Variants in LRP1 observed in about 807,000 individuals in gnomAD.
LRP1 encodes the protein prolow-density lipoprotein receptor-related protein 1.
LRP1 carries 51 observed loss-of-function variants against 541.5 expected under a neutral mutation model. That is an observed-to-expected ratio of 0.09 (90% CI 0.08 to 0.12). The LOEUF is 0.12. LRP1 is among the 10% of genes least tolerant of loss of function. The pLI, the probability that LRP1 is intolerant of heterozygous loss-of-function variation, is 1.00. For synonymous variants in LRP1, 2,219 were observed against 2,470.8 expected, an observed-to-expected ratio of 0.90 and a Z score of 3.02; for missense variants, 3,878 against 6,376.2, an observed-to-expected ratio of 0.61 and a Z score of 13.34.
rs200382578 is a variant in LRP1 at position 57,198,538 on chromosome 12, G to A, written c.9544G>A (p.Val3182Ile). 20 of 1,614,036 alleles carry A rather than the reference G, an allele frequency of 1.2e-5. No homozygotes were observed. The highest frequency in any genetic ancestry group is 7.7e-5 in the South Asian group (7 of 91,056). The part of the protein sequence containing the change: ...RIGMDGSSRS[V>I]IVDTKITWPN... Reference sequence around the variant, plus strand: ...CGGCATGGATGGGTCCAGCCGCAGCGTCATCGTGGACACCAAGATCACATG... The same window carrying A: ...CGGCATGGATGGGTCCAGCCGCAGCATCATCGTGGACACCAAGATCACATG... Residue 3182 changes from valine (V) to isoleucine (I), a missense_variant, in exon 60 of 89, where the codon GTC (valine) becomes ATC (isoleucine). Val to Ile is a conservative substitution (Grantham distance 29, BLOSUM62 3). Around this residue, in one of 13 missense-constraint regions of LRP1, gnomAD observed 1,100 missense variants for 1,827.4 expected, o/e 0.60. Coordinates refer to ENST00000243077, the MANE Select transcript of LRP1 (RefSeq NM_002332.3).
Position 57,178,762 on chromosome 12 carries a change from A to C in LRP1, c.4607-128A>C. 1 of 1,505,110 alleles carries C rather than the reference A, an allele frequency of 6.6e-7. No individual in the cohort carries two copies. Among genetic ancestry groups the C allele is most frequent in the Admixed American group, 1.9e-5 (1 of 53,734 alleles). The allele number at this position is 1,505,110 out of a possible 1,614,324, so 93.2% of individuals were successfully genotyped here. On this transcript the variant is annotated intron_variant, in intron 27 of 88. Coordinates refer to ENST00000243077, the MANE Select transcript of LRP1 (RefSeq NM_002332.3). This position sits in a 1 kb window ranked among gnomAD's most constrained non-coding sequence, Gnocchi z 5.8. ...GTTGACAGAGGCACTGTCTAGCAGCAGAGAAGGGTCTAGTAGTAGCGGCTG... is the reference window on the plus strand; with the variant it reads ...GTTGACAGAGGCACTGTCTAGCAGCCGAGAAGGGTCTAGTAGTAGCGGCTG...
intron 42 of LRP1, among the ~76,000 whole-genome samples, chr12:57,190,064 A>G (rs999175347): frequency 6.6e-6 from 1 of 152,142 alleles, no homozygotes. Flanking sequence ...AGAGGAAACC[A>G]GGGCTCAGAG....
intron 6 of LRP1, among the ~76,000 whole-genome samples, chr12:57,150,337 G>C (rs558376016): frequency 3.3e-5 from 5 of 152,054 alleles, no homozygotes; most frequent in African/African-American, 1.2e-4. Flanking sequence ...GACTACAGGT[G>C]CCCGCCACCA....
Position 57,193,592 on chromosome 12 carries a change from C to T in LRP1, c.7711C>T (p.Arg2571Trp), listed in dbSNP as rs778074768. The T allele has an allele frequency of 1.1e-5, 17 of 1,614,006 alleles. No individual in the cohort carries two copies. Among genetic ancestry groups the T allele is most frequent in the Admixed American group, 1.7e-5 (1 of 59,992 alleles). Residue 2571 changes from arginine (R) to tryptophan (W), a missense_variant, in exon 47 of 89, where the codon CGG becomes TGG. Coordinates refer to ENST00000243077, the MANE Select transcript of LRP1 (RefSeq NM_002332.3). ...CTCCCGCCGCTGCAAGAAGACTTTC[C>T]GGCAGTGCAGCAATGGGCGCTGTGT... ...CNSRRCKKTFRQCSNGRCVSN... is the reference protein window; with the variant it reads ...CNSRRCKKTFWQCSNGRCVSN...
At chr12:57,188,736 A>G (rs2036319038) in intron 42 of LRP1, among the ~76,000 whole-genome samples, 1 of 152,234 alleles carries the variant, frequency 6.6e-6, no homozygotes, top group African/African-American at 2.4e-5. Context: ...AAGAAGGTGC[A>G]GAGGACCCAG....
chr12:57,178,324 G>C lies in LRP1; in HGVS notation c.4362-35G>C, dbSNP rs1380718320. 1 of 1,593,388 alleles carries C rather than the reference G, an allele frequency of 6.3e-7. No individual in the cohort carries two copies. The highest frequency in any genetic ancestry group is 1.1e-5 in the South Asian group (1 of 87,384). On this transcript the variant is annotated intron_variant, in intron 26 of 88. Coordinates refer to ENST00000243077, the MANE Select transcript of LRP1 (RefSeq NM_002332.3). The surrounding 1 kb of genome is among the most constrained non-coding windows in gnomAD (Gnocchi z 5.8). ...CAGAGCTCTGAGGGCTGAGATCCCA[G>C]CTGGCATCCTCATTCTGCTCCATCA... is the stretch of plus-strand genomic sequence containing the variant.
Position 57,193,640 on chromosome 12 carries a change from G to T in LRP1, c.7759G>T (p.Gly2587Trp). The change falls in exon 47 of 89, where the codon GGG (glycine) becomes TGG (tryptophan). Residue 2587 changes from glycine to tryptophan, a missense_variant. Coordinates refer to ENST00000243077, the MANE Select transcript of LRP1 (RefSeq NM_002332.3). ...TGTGTCCAACATGCTGTGGTGCAAC[G>T]GGGCCGACGACTGTGGGGATGGCTC... ...RCVSNMLWCN[G>W]ADDCGDGSDE... The T allele has an allele frequency of 6.2e-7, 1 of 1,614,156 alleles. No individual in the cohort carries two copies. The highest frequency in any genetic ancestry group is 1.1e-5 in the South Asian group (1 of 91,080).
chr12:57,178,748 C>T lies in LRP1; in HGVS notation c.4607-142C>T. On this transcript the variant is annotated intron_variant, in intron 27 of 88. Transcript: ENST00000243077. This position sits in a 1 kb window ranked among gnomAD's most constrained non-coding sequence, Gnocchi z 5.8. ...GGGGTAGGCCGGCTGTTGACAGAGG[C>T]ACTGTCTAGCAGCAGAGAAGGGTCT... 1 of 1,506,066 alleles carries T rather than the reference C, an allele frequency of 6.6e-7. No homozygotes were observed. The highest frequency in any genetic ancestry group is 9.0e-7 in the Non-Finnish European group (1 of 1,112,038). The allele number at this position is 1,506,066 out of a possible 1,614,324, so 93.3% of individuals were successfully genotyped here. A position where few individuals can be genotyped will look rare whatever the true frequency, so the allele number is the denominator to read the frequency against.
intron 2 of LRP1, among the ~76,000 whole-genome samples, chr12:57,139,843 A>G (rs1158619502): frequency 6.6e-6 from 1 of 152,196 alleles, no homozygotes; most frequent in Non-Finnish European, 1.5e-5. Context: ...ATTGATTCAC[A>G]TGGAAACTCA....
chr12:57,184,777 C>G lies in LRP1; in HGVS notation c.6187-62C>G. On this transcript the variant is annotated intron_variant, in intron 38 of 88. Coordinates refer to ENST00000243077, the MANE Select transcript of LRP1 (RefSeq NM_002332.3). The surrounding 1 kb of genome is among the most constrained non-coding windows in gnomAD (Gnocchi z 7.8). ...TCTGGCCCAGGCACTCCCTGCTGCCCCAGACATGGGGCTGGCAGCGAGCTC... is the reference window on the plus strand; with the variant it reads ...TCTGGCCCAGGCACTCCCTGCTGCCGCAGACATGGGGCTGGCAGCGAGCTC... 2.6e-6 allele frequency: 4 copies of G among 1,562,824 alleles called. No homozygotes were observed. Among genetic ancestry groups the G allele is most frequent in the Non-Finnish European group, 3.5e-6 (4 of 1,148,310 alleles).
rs142540132 is a variant in LRP1, at chr12:57,180,088, A to G, written c.5183A>G (p.Asn1728Ser). 7.4e-6 allele frequency: 12 copies of G among 1,613,874 alleles called. No individual in the cohort carries two copies. The highest frequency in any genetic ancestry group is 1.6e-4 in the Middle Eastern group (1 of 6,084). Residue 1728 changes from asparagine to serine, a missense_variant, in exon 31 of 89, where the codon AAC (asparagine) becomes AGC (serine). This residue lies in a region of LRP1 where 394 missense variants were observed against 635.9 expected (regional missense o/e 0.62). Transcript: ENST00000243077. ...WTDGDNISMA[N>S]MDGSNRTLLF... ...GATGGTGACAACATCAGCATGGCCAACATGGATGGCAGCAATCGCACCCTG... is the reference window on the plus strand; with the variant it reads ...GATGGTGACAACATCAGCATGGCCAGCATGGATGGCAGCAATCGCACCCTG...
chr12:57,191,237 GAGGCC>G, intron 43 of LRP1, 78 bp from the exon 44 acceptor site: 1 of 1,386,060 alleles, frequency 7.2e-7, no homozygotes, highest in Non-Finnish European at 9.9e-7. Context: ...GTAGCTGTCA[GAGGCC>G]AGGCCAGGCT....
At chr12:57,150,328 A>C (rs1305185071) in intron 6 of LRP1, among the ~76,000 whole-genome samples, 1 of 151,188 alleles carries the variant, frequency 6.6e-6, no homozygotes, top group Non-Finnish European at 1.5e-5. Context: ...AGTAGCTAGG[A>C]CTACAGGTGC....
In LRP1 at chr12:57,182,608, G is replaced by A. The variant is rs539747392; in HGVS notation, c.5663-771G>A. On this transcript the variant is annotated intron_variant, in intron 34 of 88. Coordinates refer to ENST00000243077, the MANE Select transcript of LRP1 (RefSeq NM_002332.3). ...AAAGAGGGCGGATTACCTTGAGGCC[G>A]GGGTTCAAGACCAGCCTGACCAACA... 5.9e-5 allele frequency among the ~76,000 whole-genome samples: 9 copies of A among 151,760 alleles called. No homozygotes were observed. In the South Asian group the frequency reaches 1.9e-3, roughly 32 times the overall value.
At chr12:57,148,317 G>T (rs73342528) in intron 6 of LRP1, among the ~76,000 whole-genome samples, 1 of 152,128 alleles carries the variant, frequency 6.6e-6, no homozygotes, top group Admixed American at 6.5e-5. Context: ...AAACAGTAGC[G>T]CAAGCTGTAC....
Position 57,178,810 on chromosome 12 carries a change from GGCGAGGAAGGGGT to G in LRP1, c.4607-78_4607-66del. On this transcript the variant is annotated intron_variant, in intron 27 of 88. Transcript: ENST00000243077. The surrounding 1 kb of genome is among the most constrained non-coding windows in gnomAD (Gnocchi z 5.8). ...CTGCTGGAACAGGGGGAGGAGAGTG[GGCGAGGAAGGGGT>G]GGTCCATGTAGGGAGCAGCAAGTCA... The G allele has an allele frequency of 6.5e-7, 1 of 1,543,274 alleles. No homozygotes were observed. The highest frequency in any genetic ancestry group is 8.7e-7 in the Non-Finnish European group (1 of 1,147,160).
Position 57,156,588 on chromosome 12 carries a change from A to G in LRP1, c.1418-189A>G, listed in dbSNP as rs1318980098. ...CTCTTCCCTGACTACTGAAGCCCCC[A>G]CTCCAAGAGTTTGAAGGCTGGGTTG... On this transcript the variant is annotated intron_variant, in intron 9 of 88. Transcript: ENST00000243077. The surrounding 1 kb of genome is among the most constrained non-coding windows in gnomAD (Gnocchi z 5.2). Among the ~76,000 whole-genome samples, 1 of 151,976 alleles carries G rather than the reference A, an allele frequency of 6.6e-6. No homozygotes were observed. The highest frequency in any genetic ancestry group is 1.5e-5 in the Non-Finnish European group (1 of 67,998).
Position 57,204,302 on chromosome 12 carries a change from G to A in LRP1, c.10952-108G>A. 7.8e-7 allele frequency: 1 copy of A among 1,283,202 alleles called. No homozygotes were observed. The highest frequency in any genetic ancestry group is 1.0e-6 in the Non-Finnish European group (1 of 959,864). The allele number at this position is 1,283,202 out of a possible 1,614,324, so 79.5% of individuals were successfully genotyped here. ...AGAGACCTGGTTCCAATTTGGCTGT[G>A]CCACTGCTTGCCTGGTGACCCCTCT... On this transcript the variant is annotated intron_variant, in intron 70 of 88. Coordinates refer to ENST00000243077, the MANE Select transcript of LRP1 (RefSeq NM_002332.3). The surrounding 1 kb of genome is among the most constrained non-coding windows in gnomAD (Gnocchi z 5.3).
Position 57,213,340 on chromosome 12 carries a change from T to TAAAAAAAAAAAA in LRP1, c.*795_*806dup, listed in dbSNP as rs36120382. On this transcript the variant is annotated 3_prime_UTR_variant, in exon 89 of 89. Coordinates refer to ENST00000243077, the MANE Select transcript of LRP1 (RefSeq NM_002332.3). ...ACAGATATTGTTATAAATAAAATTG[T>TAAAAAAAAAAAA]AAAAAAAAAAAAAAAAAAAAAGGCC... The TAAAAAAAAAAAA allele has an allele frequency of 1.0e-5, 1 of 95,612 alleles. No individual in the cohort carries two copies. The highest frequency in any genetic ancestry group is 1.9e-5 in the Non-Finnish European group (1 of 51,312). The allele number at this position is 95,612 out of a possible 1,614,324, so 5.9% of individuals were successfully genotyped here.
Sources: allele counts gnomAD v4.1 joint callset (sites outside exome capture counted in the v4.1 genomes callset), GRCh38; gene constraint gnomAD v4.1.1; regional missense constraint gnomAD v4.1.1; non-coding constraint Gnocchi (gnomAD v3.1); transcripts MANE v1.5; gene names NCBI Gene and HGNC (gene_info 2026-07-23, HGNC 2026-07-21).